Variants in SLC35F3 observed in about 807,000 individuals in gnomAD.
SLC35F3 encodes the protein solute carrier family 35 member F3.
SLC35F3 carries 25 observed loss-of-function variants against 49.9 expected under a neutral mutation model. The ratio of observed to expected loss-of-function variants is 0.50; its 90% confidence interval spans 0.37 to 0.70. The LOEUF (loss-of-function observed/expected upper bound fraction) is 0.70, where lower values mean the gene tolerates loss of function less well. SLC35F3 is among the 30% of genes least tolerant of loss of function. SLC35F3 has a pLI of 0.00. For missense variants in SLC35F3, 525 were observed against 639.8 expected (o/e 0.82, Z 1.94); for synonymous variants, 275 against 265.4 (o/e 1.04, Z -0.35).
chr1:233,969,725 A>G (rs958258278), intron 2 of SLC35F3, among the ~76,000 whole-genome samples: 2 of 152,246 alleles, frequency 1.3e-5, no homozygotes, highest in African/African-American at 2.4e-5. Flanking sequence ...GTATGAAAAG[A>G]TAAGTCTCTG....
At chr1:234,318,370 C>A (rs576868441) in intron 5 of SLC35F3, among the ~76,000 whole-genome samples, 1 of 152,334 alleles carries the variant, frequency 6.6e-6, no homozygotes, top group East Asian at 1.9e-4. Context: ...AGCACTGTTT[C>A]TTGGGAGCAG....
chr1:233,996,675 G>A (rs1217618353), intron 2 of SLC35F3, among the ~76,000 whole-genome samples: 2 of 152,126 alleles, frequency 1.3e-5, no homozygotes, highest in Non-Finnish European at 2.9e-5. Context: ...TGTGTCCAAG[G>A]GTATTCCACT....
At chr1:234,105,125 T>TAAAA (rs4027096) in intron 2 of SLC35F3, among the ~76,000 whole-genome samples, 2,721 of 130,332 alleles carry the variant, frequency 0.021, 38 homozygotes, top group Middle Eastern at 0.051. Flanking sequence ...GAGACTCCGT[T>TAAAA]AAAAAAAAAA....
intron 2 of SLC35F3, among the ~76,000 whole-genome samples, chr1:234,110,823 A>G (rs1665395307): frequency 6.6e-6 from 1 of 152,234 alleles, no homozygotes; most frequent in Non-Finnish European, 1.5e-5. Context: ...TACAAACTAC[A>G]GAAAAATCTT....
intron 2 of SLC35F3, chr1:234,213,079 C>T (rs975024877): frequency 6.6e-6 from 1 of 152,168 alleles, no homozygotes; most frequent in South Asian, 2.1e-4. Flanking sequence ...ACAAGAGCAA[C>T]TCCTAGGAGC....
intron 3 of SLC35F3, among the ~76,000 whole-genome samples, chr1:234,253,437 A>G (rs1667768466): frequency 7.8e-6 from 1 of 128,598 alleles, no homozygotes; most frequent in Non-Finnish European, 1.6e-5. Context: ...TTGTTCAGTG[A>G]AAAAGCAACC....
At chr1:234,126,363 TC>T (rs1665646802) in intron 2 of SLC35F3, among the ~76,000 whole-genome samples, 3 of 152,222 alleles carry the variant, frequency 2.0e-5, no homozygotes, top group African/African-American at 7.2e-5. Context: ...TACAGAGAGA[TC>T]TCAGTTACCG....
At chr1:233,920,663 T>C (rs1571979622) in intron 2 of SLC35F3, among the ~76,000 whole-genome samples, 1 of 152,250 alleles carries the variant, frequency 6.6e-6, no homozygotes, top group East Asian at 1.9e-4. Flanking sequence ...TGGCACATAC[T>C]GGGATATCAA....
intron 2 of SLC35F3, among the ~76,000 whole-genome samples, chr1:234,045,346 CTTATAA>C (rs1261526086): frequency 1.3e-5 from 2 of 152,106 alleles, no homozygotes; most frequent in African/African-American, 4.8e-5. Context: ...TAGTTTAAAT[CTTATAA>C]TTATAGCTAA....
At chr1:234,184,541 C>T (rs1326195470) in intron 2 of SLC35F3, among the ~76,000 whole-genome samples, 9 of 152,122 alleles carry the variant, frequency 5.9e-5, no homozygotes, top group African/African-American at 9.7e-5. Flanking sequence ...TTTTTGTCAG[C>T]GCCGTCCCAT....
At chr1:233,913,124 A>G (rs999811311) in intron 2 of SLC35F3, among the ~76,000 whole-genome samples, 1 of 152,216 alleles carries the variant, frequency 6.6e-6, no homozygotes, top group African/African-American at 2.4e-5. Flanking sequence ...CAGTGAGTTC[A>G]TTCTTCAGCT....
At chr1:234,076,402 C>G (rs550797171) in intron 2 of SLC35F3, among the ~76,000 whole-genome samples, 1 of 151,990 alleles carries the variant, frequency 6.6e-6, no homozygotes, top group African/African-American at 2.4e-5. Flanking sequence ...GTTTGAGACC[C>G]ACCTGGGCAA....
intron 2 of SLC35F3, among the ~76,000 whole-genome samples, chr1:234,195,624 A>G (rs1170176139): frequency 1.3e-5 from 2 of 152,132 alleles, no homozygotes; most frequent in Non-Finnish European, 2.9e-5. Context: ...CTTTCTCTAG[A>G]GACCATCCTG....
intron 2 of SLC35F3, among the ~76,000 whole-genome samples, chr1:234,116,508 T>A (rs1665489145): frequency 7.2e-6 from 1 of 138,550 alleles, no homozygotes; most frequent in Non-Finnish European, 1.5e-5. Flanking sequence ...TTTTTGTTTT[T>A]ATTTATTTAT....
chr1:234,062,683 C>A (rs1017971949), intron 2 of SLC35F3, among the ~76,000 whole-genome samples: 1 of 141,976 alleles, frequency 7.0e-6, no homozygotes, highest in Admixed American at 7.1e-5. Context: ...TGAGCAAAAT[C>A]TTTTTTTTTT....
chr1:234,258,975 A>G (rs974048734), intron 3 of SLC35F3, among the ~76,000 whole-genome samples: 11 of 152,244 alleles, frequency 7.2e-5, no homozygotes, highest in African/African-American at 2.7e-4. Flanking sequence ...AAAGGTGTTG[A>G]TAAGTTATTG....
intron 3 of SLC35F3, among the ~76,000 whole-genome samples, chr1:234,273,668 A>G (rs1668147307): frequency 6.6e-6 from 1 of 152,174 alleles, no homozygotes; most frequent in Admixed American, 6.5e-5. Context: ...AGGCCTTCAG[A>G]AGGATTGCTA....
chr1:234,210,401 T>C (rs1667031759), intron 2 of SLC35F3, among the ~76,000 whole-genome samples: 1 of 152,088 alleles, frequency 6.6e-6, no homozygotes, highest in Non-Finnish European at 1.5e-5. Context: ...TTGGGACAGT[T>C]TGGAGGGCTC....
intron 2 of SLC35F3, among the ~76,000 whole-genome samples, chr1:233,975,719 C>G (rs191466275): frequency 3.0e-4 from 45 of 152,300 alleles, no homozygotes; most frequent in Non-Finnish European, 5.3e-4. Context: ...CCCAGGGCGA[C>G]ATGCGTCGGC....
Sources: gnomAD v4.1 joint callset for allele counts (sites outside exome capture counted in the v4.1 genomes callset) on GRCh38, gnomAD v4.1.1 for gene constraint, MANE v1.5 for transcripts, NCBI Gene and HGNC (gene_info 2026-07-23, HGNC 2026-07-21) for gene names.